The following AGBL1 variants were observed in gnomAD, a reference collection of about 807,000 sequenced individuals.
The protein encoded by AGBL1 is cytosolic carboxypeptidase 4.
In AGBL1, 130 loss-of-function variants were observed where a neutral mutation model predicts 118.9. The ratio of observed to expected loss-of-function variants is 1.09; its 90% CI spans 0.95 to 1.26. AGBL1 has a LOEUF of 1.26. AGBL1 is among the 50% of genes most tolerant of loss of function. The probability of loss-of-function intolerance (pLI) is 0.00; values close to 1 mark genes in which losing one functional copy is unlikely to be tolerated. For missense variants in AGBL1, 1,584 were observed against 1,298.1 expected (o/e 1.22, Z -3.38); for synonymous variants, 555 against 478.9 (o/e 1.16, Z -2.08).
At chr15:86,811,567 C>A (rs2078789821) in intron 22 of AGBL1, among the ~76,000 whole-genome samples, 1 of 152,120 alleles carries the variant, frequency 6.6e-6, no homozygotes, top group Admixed American at 6.6e-5. Flanking sequence ...CTCCCAACTC[C>A]CCTCTGTTTT....
chr15:86,565,719 G>T (rs2142297711), intron 21 of AGBL1, among the ~76,000 whole-genome samples: 1 of 152,368 alleles, frequency 6.6e-6, no homozygotes, highest in Admixed American at 6.5e-5. Flanking sequence ...GCTATGCCCT[G>T]CCTCCAGAGG....
chr15:86,494,777 GTGA>G (rs776900600), intron 18 of AGBL1, among the ~76,000 whole-genome samples: 17 of 152,094 alleles, frequency 1.1e-4, no homozygotes, highest in Admixed American at 4.6e-4. Context: ...AGTCTAGATA[GTGA>G]TTATTTTTAT....
At chr15:86,975,949 A>G (rs896397285) in intron 23 of AGBL1, among the ~76,000 whole-genome samples, 2 of 152,100 alleles carry the variant, frequency 1.3e-5, no homozygotes, top group African/African-American at 2.4e-5. Flanking sequence ...TTAACTTCAT[A>G]CCTAATAAAC....
intron 5 of AGBL1, among the ~76,000 whole-genome samples, chr15:86,193,779 C>T: frequency 6.6e-6 from 1 of 152,170 alleles, no homozygotes; most frequent in East Asian, 1.9e-4. Context: ...ATTTTGGAGG[C>T]TGTTCAAAAC....
intron 22 of AGBL1, among the ~76,000 whole-genome samples, chr15:86,902,170 G>C (rs2080220714): frequency 6.6e-6 from 1 of 152,108 alleles, no homozygotes; most frequent in Non-Finnish European, 1.5e-5. Flanking sequence ...AGTATGCTTT[G>C]AGTTTCTAAA....
At chr15:86,552,092 A>T (rs2083671162) in intron 20 of AGBL1, among the ~76,000 whole-genome samples, 1 of 152,192 alleles carries the variant, frequency 6.6e-6, no homozygotes, top group Non-Finnish European at 1.5e-5. Flanking sequence ...AACCCATAAG[A>T]TGTACAACAC....
chr15:86,533,999 T>C (rs1225576841), intron 19 of AGBL1, among the ~76,000 whole-genome samples: 2 of 112,000 alleles, frequency 1.8e-5, no homozygotes, highest in Non-Finnish European at 3.6e-5. Context: ...CATTGGGAGA[T>C]ATACCTAATG....
chr15:86,881,967 C>T (rs1412126567), intron 22 of AGBL1, among the ~76,000 whole-genome samples: 1 of 152,170 alleles, frequency 6.6e-6, no homozygotes, highest in Non-Finnish European at 1.5e-5. Flanking sequence ...CACCAGCGCC[C>T]ACCTCCAACA....
chr15:86,605,318 A>C (rs559750697), intron 21 of AGBL1, among the ~76,000 whole-genome samples: 2 of 152,308 alleles, frequency 1.3e-5, no homozygotes, highest in South Asian at 4.1e-4. Flanking sequence ...TTAAATAAAA[A>C]AAAAAAGAAT....
At chr15:86,903,876 C>A (rs752465373) in intron 22 of AGBL1, among the ~76,000 whole-genome samples, 2 of 151,238 alleles carry the variant, frequency 1.3e-5, no homozygotes, top group Non-Finnish European at 3.0e-5. Context: ...TTGTTACCAA[C>A]AATTGCCTGT....
At chr15:86,650,523 C>T (rs547567096) in intron 21 of AGBL1, among the ~76,000 whole-genome samples, 2 of 152,100 alleles carry the variant, frequency 1.3e-5, no homozygotes, top group Non-Finnish European at 2.9e-5. Context: ...TCTGATAACA[C>T]GAAAGTCCAA....
chr15:86,600,685 T>G (rs2084478903), intron 21 of AGBL1, among the ~76,000 whole-genome samples: 1 of 152,148 alleles, frequency 6.6e-6, no homozygotes, highest in Admixed American at 6.5e-5. Flanking sequence ...GGAAGCTGAA[T>G]CAGAAAGAAT....
chr15:86,322,909 A>T (rs1384298254), intron 17 of AGBL1, among the ~76,000 whole-genome samples: 2 of 152,130 alleles, frequency 1.3e-5, no homozygotes, highest in African/African-American at 4.8e-5. Context: ...TCACTTTTGT[A>T]TTACGTTTGT....
At chr15:86,453,658 G>A (rs890207926) in intron 18 of AGBL1, among the ~76,000 whole-genome samples, 2 of 152,080 alleles carry the variant, frequency 1.3e-5, no homozygotes, top group Non-Finnish European at 2.9e-5. Flanking sequence ...TATTTTATTA[G>A]CATCTTTTCC....
chr15:86,435,977 A>G (rs192985875), intron 18 of AGBL1, among the ~76,000 whole-genome samples: 44 of 152,208 alleles, frequency 2.9e-4, no homozygotes, highest in Admixed American at 2.7e-3. Context: ...ATTTCTTCTC[A>G]CAGTGGTTCA....
intron 5 of AGBL1, among the ~76,000 whole-genome samples, chr15:86,163,831 G>T (rs1488230143): frequency 6.6e-6 from 1 of 152,236 alleles, no homozygotes; most frequent in African/African-American, 2.4e-5. Context: ...AAGCCAGAAT[G>T]TACTGAGTAG....
intron 22 of AGBL1, among the ~76,000 whole-genome samples, chr15:86,781,308 A>C (rs187441571): frequency 6.6e-6 from 1 of 152,256 alleles, no homozygotes; most frequent in African/African-American, 2.4e-5. Flanking sequence ...CGTAGGGTTA[A>C]TCAATTTTAT....
At chr15:86,186,439 A>C (rs1217966301) in intron 5 of AGBL1, among the ~76,000 whole-genome samples, 1 of 152,236 alleles carries the variant, frequency 6.6e-6, no homozygotes, top group Non-Finnish European at 1.5e-5. Flanking sequence ...TCACGTCCTG[A>C]TCAGTAAACG....
intron 18 of AGBL1, among the ~76,000 whole-genome samples, chr15:86,411,598 C>T (rs2081622309): frequency 6.6e-6 from 1 of 152,172 alleles, no homozygotes. Flanking sequence ...CACCTTCCTT[C>T]TTGCAAACAT....
Sources: allele counts gnomAD v4.1 joint callset (sites outside exome capture counted in the v4.1 genomes callset), GRCh38; gene constraint gnomAD v4.1.1; transcripts MANE v1.5; gene names NCBI Gene and HGNC (gene_info 2026-07-23, HGNC 2026-07-21).